ANKS1B: variants seen among roughly 807,000 people sequenced by gnomAD.
ANKS1B encodes the protein ankyrin repeat and sterile alpha motif domain containing 1B.
A neutral mutation model predicts 148.3 loss-of-function variants in ANKS1B; 36 were observed. The ratio of observed to expected loss-of-function variants is 0.24; its 90% CI spans 0.19 to 0.32. The LOEUF (loss-of-function observed/expected upper bound fraction) is 0.32, where lower values mean the gene tolerates loss of function less well. Among genes scored for constraint, ANKS1B ranks in the 10% least tolerant of loss-of-function variants. ANKS1B has a pLI of 1.00. For synonymous variants in ANKS1B, 542 were observed against 560.8 expected, an observed-to-expected ratio of 0.97 and a Z score of 0.47; for missense variants, 1,157 against 1,542.6, an observed-to-expected ratio of 0.75 and a Z score of 4.19.
chr12:99,645,483 C>T (rs2153426709), intron 9 of ANKS1B, among the ~76,000 whole-genome samples: 1 of 152,206 alleles, frequency 6.6e-6, no homozygotes, highest in Non-Finnish European at 1.5e-5. Flanking sequence ...TGAAAGATAG[C>T]TCAGGGGTCA....
At chr12:99,000,091 G>A (rs929696236) in intron 17 of ANKS1B, among the ~76,000 whole-genome samples, 1 of 151,934 alleles carries the variant, frequency 6.6e-6, no homozygotes, top group Admixed American at 6.6e-5. Context: ...AAGAGGAAAG[G>A]AAGAAGAGAA....
intron 17 of ANKS1B, among the ~76,000 whole-genome samples, chr12:98,842,546 A>G (rs910912536): frequency 1.3e-5 from 2 of 152,234 alleles, no homozygotes; most frequent in Non-Finnish European, 2.9e-5. Context: ...ACCCAACTGT[A>G]TACATAAAAT....
rs151293526 is a variant in ANKS1B, at chr12:99,583,279, G to A, written c.1272+71788C>T. Among the ~76,000 whole-genome samples, 10 of 152,232 alleles carry A rather than the reference G, an allele frequency of 6.6e-5. No individual in the cohort carries two copies. The East Asian group carries it at 1.9e-3, about 29-fold the overall frequency. ...ACTGATTATTCTTAGTGTGTGAGCTGAGTAATGAAAAACCTACAGAAACAT... is the reference window on the plus strand; with the variant it reads ...ACTGATTATTCTTAGTGTGTGAGCTAAGTAATGAAAAACCTACAGAAACAT... On this transcript the variant is annotated intron_variant, in intron 9 of 26. Coordinates refer to ENST00000683438, the MANE Select transcript of ANKS1B (RefSeq NM_001352186.2).
rs71081896 is a variant in ANKS1B, at chr12:99,098,619, C to CTTTTTTTTTTTTTTTT, written c.2527-13612_2527-13597dup. Among the ~76,000 whole-genome samples the CTTTTTTTTTTTTTTTT allele has an allele frequency of 1.2e-4, 4 of 32,120 alleles. 1 individual carries two copies. Among genetic ancestry groups the CTTTTTTTTTTTTTTTT allele is most frequent in the African/African-American group, 2.1e-4 (2 of 9,462 alleles). The allele number at this position is 32,120 out of a possible 152,430, so 21.1% of individuals were successfully genotyped here. ...AATAAAGCATGCCTGCTAGGAACTACTTTTTTTTTTTTTTTTTTTTTTTTT... is the reference window on the plus strand; with the variant it reads ...AATAAAGCATGCCTGCTAGGAACTACTTTTTTTTTTTTTTTTTTTTTTTTTTTTTTTTTTTTTTTTT... On this transcript the variant is annotated intron_variant, in intron 15 of 26. Coordinates refer to ENST00000683438, the MANE Select transcript of ANKS1B (RefSeq NM_001352186.2).
At chr12:99,262,912 C>T (rs1024123946) in intron 12 of ANKS1B, among the ~76,000 whole-genome samples, 6 of 151,540 alleles carry the variant, frequency 4.0e-5, no homozygotes, top group African/African-American at 1.5e-4. Context: ...TTTATGTTAC[C>T]GAAATCATCT....
chr12:99,503,179 C>A (rs79740840), intron 10 of ANKS1B, among the ~76,000 whole-genome samples: 1 of 152,274 alleles, frequency 6.6e-6, no homozygotes, highest in East Asian at 1.9e-4. Context: ...TCAAGTGATC[C>A]ACCCACCTTG....
At position 99,927,976 on chromosome 12, in the gene ANKS1B, TC is replaced by T. The variant is rs570753199; in HGVS notation, c.134+56127del. ...ATGAGGTTATCATTACCAAATATCT[TC>T]TTGGCACTTTTAAGTTTTAAATTGA... On this transcript the variant is annotated intron_variant, in intron 1 of 26. Coordinates refer to ENST00000683438, the MANE Select transcript of ANKS1B (RefSeq NM_001352186.2). 3.9e-5 allele frequency among the ~76,000 whole-genome samples: 6 copies of T among 152,238 alleles called. No homozygotes were observed. In the East Asian group the frequency reaches 1.2e-3, roughly 29 times the overall value.
chr12:99,336,575 C>A (rs1603108311), intron 12 of ANKS1B, among the ~76,000 whole-genome samples: 1 of 151,892 alleles, frequency 6.6e-6, no homozygotes, highest in Non-Finnish European at 1.5e-5. Flanking sequence ...TAGTTTCATT[C>A]TTCTCGTATG....
chr12:99,545,138 C>T (rs544764225), intron 9 of ANKS1B, among the ~76,000 whole-genome samples: 2 of 152,178 alleles, frequency 1.3e-5, no homozygotes, highest in African/African-American at 2.4e-5. Flanking sequence ...CTTCATGAGA[C>T]AACAAAAACC....
chr12:99,968,405 A>T (rs1036980834), intron 1 of ANKS1B, among the ~76,000 whole-genome samples: 4 of 152,088 alleles, frequency 2.6e-5, no homozygotes, highest in African/African-American at 9.7e-5. Flanking sequence ...AAATACAAAA[A>T]AAAATAGCCC....
At chr12:99,062,384 G>A (rs1204548920) in intron 16 of ANKS1B, among the ~76,000 whole-genome samples, 4 of 152,122 alleles carry the variant, frequency 2.6e-5, no homozygotes, top group Non-Finnish European at 5.9e-5. Context: ...GACTGCAGAG[G>A]TGACTTTGTA....
chr12:99,421,414 C>T (rs903167323), intron 11 of ANKS1B, among the ~76,000 whole-genome samples: 10 of 152,012 alleles, frequency 6.6e-5, no homozygotes, highest in Admixed American at 2.6e-4. Flanking sequence ...AGAAACCTTC[C>T]GGGGGCGTCT....
At chr12:99,024,348 G>A (rs2099947513) in intron 17 of ANKS1B, among the ~76,000 whole-genome samples, 1 of 152,028 alleles carries the variant, frequency 6.6e-6, no homozygotes, top group Non-Finnish European at 1.5e-5. Flanking sequence ...GCTTCTAACT[G>A]CTGCATCTTA....
intron 1 of ANKS1B, among the ~76,000 whole-genome samples, chr12:99,886,157 C>T (rs1036595992): frequency 5.3e-5 from 8 of 152,196 alleles, no homozygotes; most frequent in African/African-American, 9.7e-5. Context: ...ACCACATTCA[C>T]GCCAACATCT....
chr12:99,509,661 G>A (rs2096744618), intron 9 of ANKS1B, among the ~76,000 whole-genome samples: 1 of 151,998 alleles, frequency 6.6e-6, no homozygotes, highest in Non-Finnish European at 1.5e-5. Flanking sequence ...TAACATAAAA[G>A]TGCAAGGTGA....
chr12:99,905,517 T>C (rs1201315721), intron 1 of ANKS1B, among the ~76,000 whole-genome samples: 2 of 152,218 alleles, frequency 1.3e-5, no homozygotes, highest in African/African-American at 2.4e-5. Flanking sequence ...TGCTGTAATG[T>C]GTTTTGCACA....
At chr12:99,467,693 C>T (rs1399137486) in intron 10 of ANKS1B, among the ~76,000 whole-genome samples, 3 of 152,070 alleles carry the variant, frequency 2.0e-5, no homozygotes, top group Admixed American at 6.6e-5. Flanking sequence ...TTCACAATTG[C>T]TTCAAAGAGA....
At chr12:98,867,280 G>T (rs1201839970) in intron 17 of ANKS1B, among the ~76,000 whole-genome samples, 1 of 152,152 alleles carries the variant, frequency 6.6e-6, no homozygotes, top group Non-Finnish European at 1.5e-5. Flanking sequence ...AGACTCTTCT[G>T]GCACCTAATC....
At chr12:99,012,508 T>C (rs1461041993) in intron 17 of ANKS1B, among the ~76,000 whole-genome samples, 1 of 152,194 alleles carries the variant, frequency 6.6e-6, no homozygotes, top group African/African-American at 2.4e-5. Context: ...CTCCCAGCCA[T>C]GGAGAGTTCC....
Sources: gnomAD v4.1 joint callset for allele counts (sites outside exome capture counted in the v4.1 genomes callset) on GRCh38, gnomAD v4.1.1 for gene constraint, MANE v1.5 for transcripts, NCBI Gene and HGNC (gene_info 2026-07-23, HGNC 2026-07-21) for gene names.